CD2: variants seen among roughly 807,000 people sequenced by gnomAD.
CD2 encodes T-cell surface antigen CD2.
In CD2, 18 loss-of-function variants were observed where a neutral mutation model predicts 23.2. The ratio of observed to expected loss-of-function variants is 0.77; its 90% CI spans 0.54 to 1.15. The LOEUF is 1.15. CD2 is among the 50% of genes most tolerant of loss of function. The pLI, the probability that CD2 is intolerant of heterozygous loss-of-function variation, is 0.00. For missense variants in CD2, 424 were observed against 423.1 expected (o/e 1.00, Z -0.02); for synonymous variants, 162 against 151.9 (o/e 1.07, Z -0.49).
chr1:116,766,664 T>A lies in CD2; in HGVS notation c.737-1800T>A, dbSNP rs533432233. ...TGAGCTCAGGAGTTTGGGACCAGCC[T>A]GGGCAATATAGTGAGACCTGGTCTC... On this transcript the variant is annotated intron_variant, in intron 4 of 4. Coordinates refer to ENST00000369478, the MANE Select transcript of CD2 (RefSeq NM_001767.5). Among the ~76,000 whole-genome samples, 3 of 151,966 alleles carry A rather than the reference T, an allele frequency of 2.0e-5. No individual in the cohort carries two copies. In the East Asian group the frequency reaches 5.8e-4, roughly 29 times the overall value.
intron 2 of CD2, among the ~76,000 whole-genome samples, chr1:116,756,559 A>G (rs1461338962): frequency 6.6e-5 from 10 of 152,126 alleles, no homozygotes; most frequent in South Asian, 6.4e-4. Context: ...TTTTGGCAAG[A>G]ATGACGACCT....
At chr1:116,764,409 G>T in intron 3 of CD2, 75 bp from the exon 4 acceptor site, 1 of 1,563,260 alleles carries the variant, frequency 6.4e-7, no homozygotes, top group Non-Finnish European at 8.6e-7. Context: ...GATGCAGGAG[G>T]CAGCATCCTT....
chr1:116,766,572 T>A (rs1652220626), intron 4 of CD2, among the ~76,000 whole-genome samples: 1 of 152,116 alleles, frequency 6.6e-6, no homozygotes. Flanking sequence ...AAATGGTGTA[T>A]GGGCCAAGTG....
intron 3 of CD2, among the ~76,000 whole-genome samples, chr1:116,763,422 C>T (rs530323236): frequency 2.6e-4 from 40 of 152,134 alleles, no homozygotes; most frequent in African/African-American, 6.3e-4. Context: ...CAGATGACCC[C>T]GTCCCCTGAC....
At chr1:116,763,307 C>T (rs537712077) in intron 3 of CD2, among the ~76,000 whole-genome samples, 1 of 152,312 alleles carries the variant, frequency 6.6e-6, no homozygotes, top group Non-Finnish European at 1.5e-5. Flanking sequence ...TGACCCTCTC[C>T]TTGGGGCCCA....
Position 116,761,812 on chromosome 1 carries a change from A to G in CD2, c.613+1180A>G, listed in dbSNP as rs558075864. Among the ~76,000 whole-genome samples the G allele has an allele frequency of 1.4e-4, 21 of 152,238 alleles. No individual in the cohort carries two copies. In the East Asian group the frequency reaches 4.1e-3, roughly 29 times the overall value. On this transcript the variant is annotated intron_variant, in intron 3 of 4. Transcript: ENST00000369478. ...ATTCCCCCATCACTAAGGCACAGTA[A>G]GTGAAGTTGCCTCTCCTTGACTTCG...
At position 116,768,666 on chromosome 1, in the gene CD2, T is replaced by G; in HGVS notation, c.939T>G (p.Pro313=). ...AGCACCAGCCTCAGAAGAGGCCTCC[T>G]GCTCCGTCGGGCACACAAGTTCACC... ...RVQHQPQKRP[P]APSGTQVHQQ... Residue 313 remains proline (P), a synonymous_variant, in exon 5 of 5, where the codon CCT becomes CCG. Transcript: ENST00000369478. 6.2e-7 allele frequency: 1 copy of G among 1,614,130 alleles called. No homozygotes were observed. Among genetic ancestry groups the G allele is most frequent in the Non-Finnish European group, 8.5e-7 (1 of 1,180,036 alleles).
chr1:116,758,260 G>A (rs2101157862), intron 2 of CD2, among the ~76,000 whole-genome samples: 1 of 152,190 alleles, frequency 6.6e-6, no homozygotes, highest in South Asian at 2.1e-4. Context: ...TGGGCAGGGA[G>A]TGATAAGAAG....
At chr1:116,764,820 G>A in intron 4 of CD2, 1 of 559,016 alleles carries the variant, frequency 1.8e-6, no homozygotes, top group Non-Finnish European at 3.2e-6. Flanking sequence ...GGAGCTTTGA[G>A]ACACTGAATC....
At chr1:116,766,695 T>C (rs769168947) in intron 4 of CD2, among the ~76,000 whole-genome samples, 1 of 148,442 alleles carries the variant, frequency 6.7e-6, no homozygotes, top group South Asian at 2.1e-4. Flanking sequence ...GTCTCTACTT[T>C]AAAAAAAAAA....
At chr1:116,755,254 C>T (rs867520705) in intron 2 of CD2, among the ~76,000 whole-genome samples, 4 of 152,028 alleles carry the variant, frequency 2.6e-5, no homozygotes, top group Non-Finnish European at 4.4e-5. Flanking sequence ...ACAGGTAGGC[C>T]GAGGGAAAAG....
At chr1:116,759,924 C>T (rs1651985441) in intron 2 of CD2, among the ~76,000 whole-genome samples, 1 of 152,168 alleles carries the variant, frequency 6.6e-6, no homozygotes, top group Non-Finnish European at 1.5e-5. Context: ...GTGATTCCTC[C>T]AGGATGGGGT....
In CD2 at chr1:116,754,644, A is replaced by G; in HGVS notation, c.75A>G (p.Lys25=). 1 of 1,607,858 alleles carries G rather than the reference A, an allele frequency of 6.2e-7. No homozygotes were observed. Among genetic ancestry groups the G allele is most frequent in the Non-Finnish European group, 8.5e-7 (1 of 1,178,224 alleles). ...TGCTTTTTATAGGTGCAGTCTCCAA[A>G]GAGATTACGAATGCCTTGGAAACCT... ...FNVSSKGAVS[K]EITNALETWG... The change falls in exon 2 of 5, where the codon AAA becomes AAG. Residue 25 remains lysine, a synonymous_variant. Transcript: ENST00000369478.
chr1:116,764,655 T>G (rs947238436), intron 4 of CD2, 49 bp downstream of exon 4: 1 of 1,391,272 alleles, frequency 7.2e-7, no homozygotes, highest in South Asian at 1.2e-5. Context: ...AAAATCCCCA[T>G]GAAACAGCTC....
At chr1:116,757,817 T>G (rs1346408192) in intron 2 of CD2, among the ~76,000 whole-genome samples, 2 of 151,862 alleles carry the variant, frequency 1.3e-5, no homozygotes, top group Non-Finnish European at 2.9e-5. Flanking sequence ...TCGTCCAGCC[T>G]GGAGTGCAGT....
At position 116,768,952 on chromosome 1, in the gene CD2, T is replaced by G. The variant is rs1321185596; in HGVS notation, c.*169T>G. On this transcript the variant is annotated 3_prime_UTR_variant, in exon 5 of 5. Transcript: ENST00000369478. Reference sequence around the variant, plus strand: ...TTCGAACTCAGCCATGTGGTCAACATCTGGAGTTTTTGGTCTCCTCAGAGA... The same window carrying G: ...TTCGAACTCAGCCATGTGGTCAACAGCTGGAGTTTTTGGTCTCCTCAGAGA... The G allele has an allele frequency of 7.5e-6, 5 of 666,110 alleles. No individual in the cohort carries two copies. The highest frequency in any genetic ancestry group is 7.3e-5 in the African/African-American group (4 of 54,808). The allele number at this position is 666,110 out of a possible 1,614,324, so 41.3% of individuals were successfully genotyped here. A position where few individuals can be genotyped will look rare whatever the true frequency, so the allele number is the denominator to read the frequency against.
chr1:116,755,406 G>A (rs183396336), intron 2 of CD2, among the ~76,000 whole-genome samples: 1,804 of 152,312 alleles, frequency 0.012, 34 homozygotes, highest in Admixed American at 0.047. Context: ...TGGCAGAAAA[G>A]GGCTGGAAAC....
At chr1:116,756,276 C>T (rs1277634747) in intron 2 of CD2, among the ~76,000 whole-genome samples, 1 of 152,188 alleles carries the variant, frequency 6.6e-6, no homozygotes, top group Non-Finnish European at 1.5e-5. Flanking sequence ...GCACAAAACT[C>T]GAGTGTCCTG....
chr1:116,758,476 CCAG>C (rs1651932913), intron 2 of CD2, among the ~76,000 whole-genome samples: 1 of 152,066 alleles, frequency 6.6e-6, no homozygotes, highest in Non-Finnish European at 1.5e-5. Flanking sequence ...ATTGCCCACT[CCAG>C]CAATCCCAGA....
Sources: gnomAD v4.1 joint callset for allele counts (sites outside exome capture counted in the v4.1 genomes callset) on GRCh38, gnomAD v4.1.1 for gene constraint, MANE v1.5 for transcripts, NCBI Gene and HGNC (gene_info 2026-07-23, HGNC 2026-07-21) for gene names.